PELI2: variants seen among roughly 807,000 people sequenced by gnomAD.
PELI2 encodes the protein pellino E3 ubiquitin protein ligase family member 2, also known as E3 ubiquitin-protein ligase pellino homolog 2.
Under a neutral mutation model 42.3 loss-of-function variants are expected in PELI2, and 23 were observed. The observed-to-expected ratio is 0.54, with a 90% CI of 0.39 to 0.77. The LOEUF is 0.77. PELI2 is among the 30% of genes least tolerant of loss of function. PELI2 has a pLI of 0.00. For missense variants in PELI2, 463 were observed against 553.2 expected (o/e 0.84, Z 1.64); for synonymous variants, 245 against 212.2 (o/e 1.15, Z -1.34).
chr14:56,144,939 C>G lies in PELI2; in HGVS notation c.77+26202C>G, dbSNP rs923485191. 3.1e-6 allele frequency: 3 copies of G among 979,020 alleles called. No homozygotes were observed. The African/African-American group carries it at 5.3e-5, about 17-fold the overall frequency. The allele number at this position is 979,020 out of a possible 1,614,324, so 60.6% of individuals were successfully genotyped here. ...TGACTTTACTCTTTGCCGGTGTTTC[C>G]ATTACAGGAGAAGAGGGATGTGGAA... On this transcript the variant is annotated intron_variant, in intron 1 of 5. Transcript: ENST00000267460.
At chr14:56,259,896 TG>T (rs1888654720) in intron 2 of PELI2, among the ~76,000 whole-genome samples, 1 of 152,132 alleles carries the variant, frequency 6.6e-6, no homozygotes, top group African/African-American at 2.4e-5. Context: ...GAAATACTTA[TG>T]GATAAATTTA....
At chr14:56,125,612 T>G (rs891168372) in intron 1 of PELI2, among the ~76,000 whole-genome samples, 9 of 152,148 alleles carry the variant, frequency 5.9e-5, no homozygotes, top group Non-Finnish European at 1.2e-4. Flanking sequence ...ATCAGAAGAT[T>G]CCAAGTATCC....
intron 3 of PELI2, among the ~76,000 whole-genome samples, chr14:56,283,600 A>G (rs1889552793): frequency 6.6e-6 from 1 of 152,218 alleles, no homozygotes; most frequent in Non-Finnish European, 1.5e-5. Flanking sequence ...GATTTGTACC[A>G]ACCTCTTAAT....
At position 56,213,377 on chromosome 14, in the gene PELI2, T is replaced by G. The variant is rs563404244; in HGVS notation, c.207+34913T>G. On this transcript the variant is annotated intron_variant, in intron 2 of 5. Coordinates refer to ENST00000267460, the MANE Select transcript of PELI2 (RefSeq NM_021255.3). ...AGGCAGAAGGAGATCCAGAAGGGAA[T>G]TAGCTGATTGGATACCCAGAGAGGA... Among the ~76,000 whole-genome samples the G allele has an allele frequency of 4.6e-5, 7 of 152,312 alleles. No homozygotes were observed. The South Asian group carries it at 1.2e-3, about 27-fold the overall frequency.
chr14:56,213,392 C>T (rs1886779833), intron 2 of PELI2, among the ~76,000 whole-genome samples: 1 of 152,156 alleles, frequency 6.6e-6, no homozygotes, highest in African/African-American at 2.4e-5. Flanking sequence ...TGATTGGATA[C>T]CCAGAGAGGA....
intron 1 of PELI2, among the ~76,000 whole-genome samples, chr14:56,148,067 T>G (rs2139615996): frequency 6.6e-6 from 1 of 152,354 alleles, no homozygotes; most frequent in Non-Finnish European, 1.5e-5. Context: ...GTAAATCCAC[T>G]TCCTTGCACT....
intron 1 of PELI2, among the ~76,000 whole-genome samples, chr14:56,128,015 G>C (rs1331429265): frequency 1.3e-5 from 2 of 152,164 alleles, no homozygotes; most frequent in African/African-American, 4.8e-5. Context: ...TTCTGCATGG[G>C]TATATTAAAA....
intron 2 of PELI2, among the ~76,000 whole-genome samples, chr14:56,272,742 T>C (rs192423632): frequency 1.6e-4 from 25 of 152,352 alleles, no homozygotes; most frequent in African/African-American, 4.8e-4. Flanking sequence ...TAAAAATGCA[T>C]ATTTGCTTTA....
chr14:56,128,213 G>A (rs1458604978), intron 1 of PELI2, among the ~76,000 whole-genome samples: 2 of 152,182 alleles, frequency 1.3e-5, no homozygotes, highest in Non-Finnish European at 2.9e-5. Context: ...GAGGACTAGG[G>A]GTGGTGGAGC....
chr14:56,169,182 C>A (rs1401688656), intron 1 of PELI2, among the ~76,000 whole-genome samples: 1 of 152,142 alleles, frequency 6.6e-6, no homozygotes, highest in African/African-American at 2.4e-5. Context: ...CTGGGCTGTT[C>A]CAGCTGGTGT....
intron 2 of PELI2, among the ~76,000 whole-genome samples, chr14:56,205,543 G>A (rs1373394843): frequency 6.6e-6 from 1 of 152,106 alleles, no homozygotes; most frequent in Non-Finnish European, 1.5e-5. Flanking sequence ...TAAGGTTGTC[G>A]GGGCGTGGGG....
intron 1 of PELI2, among the ~76,000 whole-genome samples, chr14:56,147,466 C>G (rs1467346896): frequency 6.6e-6 from 1 of 152,168 alleles, no homozygotes; most frequent in Non-Finnish European, 1.5e-5. Flanking sequence ...ATATGAAAAT[C>G]ACTGGTGGGA....
chr14:56,183,606 A>G (rs1277920084), intron 2 of PELI2, among the ~76,000 whole-genome samples: 1 of 152,216 alleles, frequency 6.6e-6, no homozygotes, highest in African/African-American at 2.4e-5. Flanking sequence ...AGATGCAAAA[A>G]TGCATTTTGG....
At chr14:56,261,500 G>A in intron 2 of PELI2, among the ~76,000 whole-genome samples, 1 of 152,012 alleles carries the variant, frequency 6.6e-6, no homozygotes, top group East Asian at 1.9e-4. Flanking sequence ...CCAATCCTAT[G>A]GTCTCATAAA....
chr14:56,263,596 A>G (rs1033003302), intron 2 of PELI2, among the ~76,000 whole-genome samples: 1 of 152,230 alleles, frequency 6.6e-6, no homozygotes, highest in Non-Finnish European at 1.5e-5. Flanking sequence ...GCATGCTAAT[A>G]TCCTCAGATT....
rs1038554648 is a variant in PELI2 at position 56,219,274 on chromosome 14, CG to C, written c.207+40811del. 2.0e-5 allele frequency among the ~76,000 whole-genome samples: 3 copies of C among 152,046 alleles called. No individual in the cohort carries two copies. The highest frequency in any genetic ancestry group is 4.4e-5 in the Non-Finnish European group (3 of 68,010). On this transcript the variant is annotated intron_variant, in intron 2 of 5. Transcript: ENST00000267460. This position sits in a 1 kb window ranked among gnomAD's most constrained non-coding sequence, Gnocchi z 4.1. ...AGAAGACAGAAGGAAGAAGCTCCCCCGTACAGAGACAGATGGGGGCTCCAAA... is the reference window on the plus strand; with the variant it reads ...AGAAGACAGAAGGAAGAAGCTCCCCCTACAGAGACAGATGGGGGCTCCAAA...
Position 56,255,203 on chromosome 14 carries a change from A to G in PELI2, c.208-24473A>G, listed in dbSNP as rs113334384. ...CATGCACACATTTGTTTATTGCAGC[A>G]CTATTTACAATAGCAAAGACTTGGA... On this transcript the variant is annotated intron_variant, in intron 2 of 5. Transcript: ENST00000267460. Among the ~76,000 whole-genome samples, 80 of 152,356 alleles carry G rather than the reference A, an allele frequency of 5.3e-4. 3 individuals carry two copies. Among genetic ancestry groups the G allele is most frequent in the African/African-American group, 1.9e-3 (78 of 41,574 alleles).
At chr14:56,236,730 C>A (rs1887809017) in intron 2 of PELI2, among the ~76,000 whole-genome samples, 1 of 152,144 alleles carries the variant, frequency 6.6e-6, no homozygotes, top group Non-Finnish European at 1.5e-5. Context: ...CCACCACCCT[C>A]CCCTTCCCTG....
At chr14:56,121,306 A>G (rs1428266756) in intron 1 of PELI2, among the ~76,000 whole-genome samples, 1 of 151,920 alleles carries the variant, frequency 6.6e-6, no homozygotes, top group Non-Finnish European at 1.5e-5. Context: ...GTGAAACATT[A>G]CTAGGAAATC....
Sources: allele counts gnomAD v4.1 joint callset (sites outside exome capture counted in the v4.1 genomes callset), GRCh38; gene constraint gnomAD v4.1.1; non-coding constraint Gnocchi (gnomAD v3.1); transcripts MANE v1.5; gene names NCBI Gene and HGNC (gene_info 2026-07-23, HGNC 2026-07-21).